UGT2B4: variants seen among roughly 807,000 people sequenced by gnomAD.
UGT2B4 encodes the protein UDP-glucuronosyltransferase 2B4.
In UGT2B4, 49 loss-of-function variants were observed where a neutral mutation model predicts 49.8. The observed-to-expected ratio is 0.98, with a 90% CI of 0.78 to 1.25. UGT2B4 has a LOEUF of 1.25. UGT2B4 is among the 50% of genes most tolerant of loss of function. The pLI, the probability that UGT2B4 is intolerant of heterozygous loss-of-function variation, is 0.00. For missense variants in UGT2B4, 729 were observed against 627.7 expected (o/e 1.16, Z -1.73); for synonymous variants, 246 against 217.7 (o/e 1.13, Z -1.14).
chr4:69,523,067 C>G (rs928346542), intron 1 of UGT2B4, among the ~76,000 whole-genome samples: 1 of 152,160 alleles, frequency 6.6e-6, no homozygotes, highest in Non-Finnish European at 1.5e-5. Context: ...TTGCTATTTT[C>G]ACCACACCTG....
intron 4 of UGT2B4, 106 bp from the exon 5 acceptor site, chr4:69,485,533 G>A: frequency 4.7e-6 from 7 of 1,481,116 alleles, no homozygotes; most frequent in Non-Finnish European, 6.5e-6. Flanking sequence ...ACACTGAACT[G>A]AATTAAAATT....
rs1207803837 is a variant in UGT2B4, at chr4:69,495,533, G to A, written c.329C>T (p.Ser110Leu). Residue 110 changes from serine to leucine, a missense_variant, in exon 1 of 6, where the codon TCA becomes TTA. Physicochemically the swap from Ser to Leu is moderately radical, Grantham distance 145 (BLOSUM62 -2). Coordinates refer to ENST00000305107, the MANE Select transcript of UGT2B4 (RefSeq NM_021139.3). ...LPKDTFWSYF[S>L]QVQEIMWTFN... ...TGTCCACATGATTTCTTGTACTTGT[G>A]AAAAATATGACCAAAATGTGTCTTT... The A allele has an allele frequency of 6.2e-7, 1 of 1,612,888 alleles. No homozygotes were observed. The highest frequency in any genetic ancestry group is 8.5e-7 in the Non-Finnish European group (1 of 1,179,438).
intron 5 of UGT2B4, 92 bp from the exon 6 acceptor site, chr4:69,481,002 G>A (rs74458401): frequency 2.8e-6 from 4 of 1,450,442 alleles, no homozygotes; most frequent in Non-Finnish European, 2.8e-6. Flanking sequence ...AGTTTCCGAG[G>A]TCGAGGCGGG....
chr4:69,497,413 T>C (rs552126090), upstream of UGT2B4, among the ~76,000 whole-genome samples: 6 of 152,248 alleles, frequency 3.9e-5, no homozygotes, highest in Non-Finnish European at 8.8e-5. Context: ...ATCTTCCTTC[T>C]CAGTGCCCTC....
intron 2 of UGT2B4, among the ~76,000 whole-genome samples, chr4:69,492,262 C>T (rs913990022): frequency 6.6e-6 from 1 of 152,012 alleles, no homozygotes; most frequent in Admixed American, 6.6e-5. Context: ...CAGAAAACAC[C>T]TGCTCTAATA....
intron 1 of UGT2B4, among the ~76,000 whole-genome samples, chr4:69,525,428 A>G (rs957256954): frequency 1.3e-5 from 2 of 152,208 alleles, no homozygotes; most frequent in East Asian, 3.9e-4. Flanking sequence ...AGATAATGAT[A>G]TTAGGTAAAG....
intron 3 of UGT2B4, 76 bp from the exon 4 acceptor site, chr4:69,486,772 T>A: frequency 8.8e-7 from 1 of 1,140,378 alleles, no homozygotes; most frequent in Non-Finnish European, 1.3e-6. Flanking sequence ...CTAAAGAGAT[T>A]AACAATGAGA....
intron 1 of UGT2B4, among the ~76,000 whole-genome samples, chr4:69,502,093 CTTTCTTT>C (rs1728336681): frequency 1.3e-5 from 1 of 79,688 alleles, no homozygotes; most frequent in African/African-American, 5.8e-5. Flanking sequence ...CTTTCTCTCT[CTTTCTTT>C]CTTTCTTTCT....
upstream of UGT2B4, among the ~76,000 whole-genome samples, chr4:69,496,602 C>A (rs757204266): frequency 7.1e-4 from 108 of 152,172 alleles, no homozygotes; most frequent in Admixed American, 1.4e-3. Flanking sequence ...GTGCTTCTAC[C>A]GTAAGAGTCA....
chr4:69,500,606 G>GAAAGC (rs1728282840), upstream of UGT2B4, among the ~76,000 whole-genome samples: 3 of 99,510 alleles, frequency 3.0e-5, no homozygotes, highest in Admixed American at 1.1e-4. Context: ...AGAAAGCAAG[G>GAAAGC]AAGAAAGAAA....
At chr4:69,493,643 C>A in intron 2 of UGT2B4, 50 bp downstream of exon 2, 2 of 1,570,856 alleles carry the variant, frequency 1.3e-6, no homozygotes, top group South Asian at 1.2e-5. Flanking sequence ...GAATATAGAA[C>A]CATTCGTACT....
At position 69,486,545 on chromosome 4, in the gene UGT2B4, A is replaced by G. The variant is rs545265048; in HGVS notation, c.1090+64T>C. 5 of 1,088,572 alleles carry G rather than the reference A, an allele frequency of 4.6e-6. No individual in the cohort carries two copies. The East Asian group carries it at 8.4e-5, about 18-fold the overall frequency. The allele number at this position is 1,088,572 out of a possible 1,614,324, so 67.4% of individuals were successfully genotyped here. ...AAATGTTCAGTAAGCTTGTTTCATGATAACTATTAACACTTTAATAATCTG... is the reference window on the plus strand; with the variant it reads ...AAATGTTCAGTAAGCTTGTTTCATGGTAACTATTAACACTTTAATAATCTG... On this transcript the variant is annotated intron_variant, in intron 4 of 5. Coordinates refer to ENST00000305107, the MANE Select transcript of UGT2B4 (RefSeq NM_021139.3).
rs1728134567 is a variant in UGT2B4 at position 69,495,629 on chromosome 4, G to T, written c.233C>A (p.Pro78His). The T allele has an allele frequency of 6.2e-7, 1 of 1,613,934 alleles. No homozygotes were observed. The highest frequency in any genetic ancestry group is 8.5e-7 in the Non-Finnish European group (1 of 1,179,972). ...AAACTCAGTTTTAGTTAAAGATACA[G>T]GATAAACTTCAAATTTAAGAGTAGA... The part of the protein sequence containing the change: ...SPSTLKFEVY[P>H]VSLTKTEFED... The change falls in exon 1 of 6, where the codon CCT (proline) becomes CAT (histidine). Residue 78 changes from proline to histidine, a missense_variant. Pro to His is a moderately conservative substitution (Grantham distance 77). Coordinates refer to ENST00000305107, the MANE Select transcript of UGT2B4 (RefSeq NM_021139.3).
upstream of UGT2B4, among the ~76,000 whole-genome samples, chr4:69,500,602 CAAGGAAGAAAGA>C (rs1299982062): frequency 0.02 from 942 of 47,292 alleles, 12 homozygotes; most frequent in South Asian, 0.059. Flanking sequence ...AGCAAGAAAG[CAAGGAAGAAAGA>C]AAGAAAGAAA....
chr4:69,490,283 A>G (rs1468728457), intron 2 of UGT2B4, among the ~76,000 whole-genome samples: 1 of 152,186 alleles, frequency 6.6e-6, no homozygotes, highest in Non-Finnish European at 1.5e-5. Context: ...ATGTAGTTAC[A>G]TAGTCGAATG....
At chr4:69,513,139 T>G (rs2109829126) in intron 1 of UGT2B4, among the ~76,000 whole-genome samples, 1 of 152,324 alleles carries the variant, frequency 6.6e-6, no homozygotes, top group East Asian at 1.9e-4. Context: ...TTGGGTGTTT[T>G]CATCATAAAA....
intron 4 of UGT2B4, among the ~76,000 whole-genome samples, chr4:69,486,380 C>A (rs191621633): frequency 6.6e-6 from 1 of 152,220 alleles, no homozygotes; most frequent in Admixed American, 6.5e-5. Context: ...GAGGTAATAA[C>A]ACCTGAAATA....
intron 3 of UGT2B4, among the ~76,000 whole-genome samples, chr4:69,488,070 G>A (rs1481320006): frequency 6.6e-6 from 1 of 152,130 alleles, no homozygotes; most frequent in African/African-American, 2.4e-5. Context: ...AAGGTAGCAT[G>A]TATAACTTCT....
chr4:69,484,580 G>A (rs569337284), intron 5 of UGT2B4, among the ~76,000 whole-genome samples: 1 of 152,224 alleles, frequency 6.6e-6, no homozygotes, highest in East Asian at 1.9e-4. Context: ...TATGTAGAGA[G>A]AATAATCTAT....
Sources: allele counts gnomAD v4.1 joint callset (sites outside exome capture counted in the v4.1 genomes callset), GRCh38; gene constraint gnomAD v4.1.1; transcripts MANE v1.5; gene names NCBI Gene and HGNC (gene_info 2026-07-23, HGNC 2026-07-21).